GPM6A: variants seen among roughly 807,000 people sequenced by gnomAD.
GPM6A encodes the protein glycoprotein M6A.
A neutral mutation model predicts 32.1 loss-of-function variants in GPM6A; 7 were observed. The ratio of observed to expected loss-of-function variants is 0.22; its 90% CI spans 0.12 to 0.41. The LOEUF (loss-of-function observed/expected upper bound fraction) is 0.41. Ranked by LOEUF, GPM6A falls within the 10% of genes least tolerant of loss-of-function variation. GPM6A has a pLI of 1.00. For synonymous variants in GPM6A, 130 were observed against 123.4 expected, an observed-to-expected ratio of 1.05 and a Z score of -0.35; for missense variants, 235 against 347.2, an observed-to-expected ratio of 0.68 and a Z score of 2.57.
intron 1 of GPM6A, among the ~76,000 whole-genome samples, chr4:175,805,533 G>A (rs932541842): frequency 2.6e-5 from 4 of 152,152 alleles, no homozygotes; most frequent in African/African-American, 9.7e-5. Flanking sequence ...CTCAGGGATA[G>A]ATTTCATCCA....
rs1239406829 is a variant in GPM6A at position 175,693,635 on chromosome 4, T to C, written c.230+7940A>G. Among the ~76,000 whole-genome samples the C allele has an allele frequency of 2.6e-5, 4 of 152,184 alleles. No homozygotes were observed. The East Asian group carries it at 7.7e-4, about 29-fold the overall frequency. On this transcript the variant is annotated intron_variant, in intron 2 of 6. Transcript: ENST00000393658. ...TGCCAAGAAAGTATTTCTCTATAAA[T>C]TGAAATACTTCGGCTTAAGTCTCTT...
chr4:175,962,241 C>A, intron 1 of GPM6A: 2 of 1,354,522 alleles, frequency 1.5e-6, no homozygotes, highest in Non-Finnish European at 2.1e-6. Flanking sequence ...GAACATTGAC[C>A]TCCTATATGT....
intron 1 of GPM6A, among the ~76,000 whole-genome samples, chr4:175,763,273 A>G (rs1409130023): frequency 6.6e-6 from 1 of 152,112 alleles, no homozygotes; most frequent in Admixed American, 6.6e-5. Context: ...CGGCCTCCCA[A>G]AGTGCTGGGA....
intron 2 of GPM6A, among the ~76,000 whole-genome samples, chr4:175,679,319 T>A (rs983982684): frequency 6.6e-6 from 1 of 152,154 alleles, no homozygotes; most frequent in African/African-American, 2.4e-5. Flanking sequence ...TTGGCTAGAA[T>A]ACTATACAAG....
chr4:175,666,764 G>A (rs1307103217), intron 3 of GPM6A, among the ~76,000 whole-genome samples: 1 of 152,124 alleles, frequency 6.6e-6, no homozygotes, highest in Non-Finnish European at 1.5e-5. Context: ...GTAATATTGA[G>A]CTAATCACAT....
At chr4:175,909,863 T>G (rs1305383223) in intron 1 of GPM6A, among the ~76,000 whole-genome samples, 3 of 152,126 alleles carry the variant, frequency 2.0e-5, no homozygotes, top group Non-Finnish European at 4.4e-5. Flanking sequence ...ACAGTGAGAA[T>G]GACATCAAAA....
intron 1 of GPM6A, among the ~76,000 whole-genome samples, chr4:175,841,083 T>A (rs1735920523): frequency 6.6e-6 from 1 of 152,316 alleles, no homozygotes; most frequent in Admixed American, 6.5e-5. Context: ...GATCCTAACC[T>A]AATCTGTCTC....
At chr4:175,807,903 C>G (rs1734759626) in intron 1 of GPM6A, among the ~76,000 whole-genome samples, 1 of 152,174 alleles carries the variant, frequency 6.6e-6, no homozygotes, top group South Asian at 2.1e-4. Context: ...TACGATGTGA[C>G]TTTGGTCTAG....
chr4:175,849,887 C>T (rs1045256936), intron 1 of GPM6A, among the ~76,000 whole-genome samples: 1 of 151,750 alleles, frequency 6.6e-6, no homozygotes, highest in Non-Finnish European at 1.5e-5. Flanking sequence ...ATGTATTAGA[C>T]ATGTGAGGAT....
chr4:175,703,142 G>A (rs900960693), intron 1 of GPM6A, among the ~76,000 whole-genome samples: 1 of 152,104 alleles, frequency 6.6e-6, no homozygotes, highest in Non-Finnish European at 1.5e-5. Flanking sequence ...CATGTTATCT[G>A]TCATTATTAG....
rs572392689 is a variant in GPM6A at position 175,804,774 on chromosome 4, G to A, written c.37+7417C>T. ...TTAAAAATGAAAGTGGGCCGGGCTCGGTGGCTCACGCCTGTAATCCCAGCA... is the reference window on the plus strand; with the variant it reads ...TTAAAAATGAAAGTGGGCCGGGCTCAGTGGCTCACGCCTGTAATCCCAGCA... On this transcript the variant is annotated intron_variant, in intron 1 of 6. Transcript: ENST00000393658. 2.4e-4 allele frequency among the ~76,000 whole-genome samples: 36 copies of A among 152,164 alleles called. No individual in the cohort carries two copies. In the Middle Eastern group the frequency reaches 0.01, roughly 43 times the overall value.
intron 1 of GPM6A, among the ~76,000 whole-genome samples, chr4:175,782,187 C>T (rs141364975): frequency 6.6e-6 from 1 of 152,060 alleles, no homozygotes; most frequent in South Asian, 2.1e-4. Context: ...CATTATCTAA[C>T]CCCAATTTTA....
At chr4:175,988,296 A>T (rs770887107) in intron 1 of GPM6A, among the ~76,000 whole-genome samples, 3 of 152,216 alleles carry the variant, frequency 2.0e-5, no homozygotes, top group Non-Finnish European at 2.9e-5. Flanking sequence ...TTAAAAGATT[A>T]AGTCCACTGA....
intron 1 of GPM6A, among the ~76,000 whole-genome samples, chr4:175,910,898 T>C (rs373341914): frequency 6.6e-5 from 10 of 152,178 alleles, no homozygotes; most frequent in Non-Finnish European, 1.5e-4. Flanking sequence ...TGAATGAGCA[T>C]GGCTGTGCTC....
At chr4:175,881,549 A>G (rs955024521) in intron 1 of GPM6A, among the ~76,000 whole-genome samples, 2 of 152,138 alleles carry the variant, frequency 1.3e-5, no homozygotes, top group African/African-American at 4.8e-5. Context: ...GCACACGTAT[A>G]TTTATTGCGG....
At chr4:175,732,408 C>G (rs757714860) in intron 1 of GPM6A, among the ~76,000 whole-genome samples, 1 of 152,002 alleles carries the variant, frequency 6.6e-6, no homozygotes, top group Non-Finnish European at 1.5e-5. Context: ...TAGTTAAATT[C>G]CAGAGCTGTA....
At chr4:175,750,599 G>T (rs753865814) in intron 1 of GPM6A, among the ~76,000 whole-genome samples, 1 of 59,208 alleles carries the variant, frequency 1.7e-5, no homozygotes, top group Non-Finnish European at 5.0e-5. Context: ...TTTGACAGGG[G>T]TCTGGCTCTG....
chr4:175,912,251 CAT>C (rs1175171947), intron 1 of GPM6A, among the ~76,000 whole-genome samples: 10 of 152,008 alleles, frequency 6.6e-5, no homozygotes, highest in African/African-American at 2.2e-4. Context: ...AATTTTTAAA[CAT>C]GTTTAAATAT....
intron 1 of GPM6A, among the ~76,000 whole-genome samples, chr4:175,827,794 C>A (rs1463398061): frequency 6.6e-6 from 1 of 152,144 alleles, no homozygotes; most frequent in Non-Finnish European, 1.5e-5. Flanking sequence ...GAAAAGAATA[C>A]CTATTCATCA....
Sources: allele counts gnomAD v4.1 joint callset (sites outside exome capture counted in the v4.1 genomes callset), GRCh38; gene constraint gnomAD v4.1.1; transcripts MANE v1.5; gene names NCBI Gene and HGNC (gene_info 2026-07-23, HGNC 2026-07-21).